The following ZSWIM9 variants were observed in gnomAD, a reference collection of about 807,000 sequenced individuals.
The protein encoded by ZSWIM9 is uncharacterized protein ZSWIM9.
Under a neutral mutation model 25.0 loss-of-function variants are expected in ZSWIM9, and 11 were observed. The ratio of observed to expected loss-of-function variants is 0.44; its 90% confidence interval spans 0.28 to 0.73. The LOEUF (loss-of-function observed/expected upper bound fraction) is 0.73. Among genes scored for constraint, ZSWIM9 ranks in the 30% least tolerant of loss-of-function variants. The probability of loss-of-function intolerance (pLI) is 0.16; values close to 1 mark genes in which losing one functional copy is unlikely to be tolerated. For missense variants in ZSWIM9, 1,070 were observed against 1,296.5 expected, an observed-to-expected ratio of 0.83 and a Z score of 2.68; for synonymous variants, 562 against 582.1, an observed-to-expected ratio of 0.97 and a Z score of 0.50.
chr19:48,194,158 T>C lies in ZSWIM9; in HGVS notation c.589-495T>C, dbSNP rs1330664590. On this transcript the variant is annotated intron_variant, in intron 3 of 3. Transcript: ENST00000614654. This position sits in a 1 kb window ranked among gnomAD's most constrained non-coding sequence, Gnocchi z 6.0. ...CAGACCAGTCATCCTTAAGCATGCATAGGAGTCCCCTGGAGGGCTTGTCAA... is the reference window on the plus strand; with the variant it reads ...CAGACCAGTCATCCTTAAGCATGCACAGGAGTCCCCTGGAGGGCTTGTCAA... 6.6e-6 allele frequency among the ~76,000 whole-genome samples: 1 copy of C among 152,122 alleles called. No homozygotes were observed. The highest frequency in any genetic ancestry group is 1.5e-5 in the Non-Finnish European group (1 of 68,006).
Position 48,194,013 on chromosome 19 carries a change from G to C in ZSWIM9, c.589-640G>C, listed in dbSNP as rs1445434969. 6.6e-6 allele frequency among the ~76,000 whole-genome samples: 1 copy of C among 152,124 alleles called. No homozygotes were observed. Among genetic ancestry groups the C allele is most frequent in the African/African-American group, 2.4e-5 (1 of 41,406 alleles). On this transcript the variant is annotated intron_variant, in intron 3 of 3. Transcript: ENST00000614654. The surrounding 1 kb of genome is among the most constrained non-coding windows in gnomAD (Gnocchi z 6.0). ...TTCAGTGCCTAGAAGGGATAATCAG[G>C]GAATATGGAGGTTAAGGAGGCAACT... is the stretch of plus-strand genomic sequence containing the variant.
intron 3 of ZSWIM9, among the ~76,000 whole-genome samples, chr19:48,189,834 T>G (rs143342711): frequency 2.0e-5 from 3 of 152,164 alleles, no homozygotes; most frequent in African/African-American, 2.4e-5. Flanking sequence ...AGACCTTTTA[T>G]GTATCGCTTT....
intron 2 of ZSWIM9, among the ~76,000 whole-genome samples, chr19:48,180,080 G>C (rs183243546): frequency 1.3e-4 from 19 of 151,852 alleles, no homozygotes; most frequent in African/African-American, 4.6e-4. Flanking sequence ...GCAGTGGTGC[G>C]ATCTCGGCTC....
At chr19:48,187,473 T>TATATTATATTATA (rs1310340123) in intron 3 of ZSWIM9, among the ~76,000 whole-genome samples, 5 of 74,388 alleles carry the variant, frequency 6.7e-5, no homozygotes, top group African/African-American at 3.2e-4. Flanking sequence ...ATATATATTA[T>TATATTATATTATA]ATATATTATA....
chr19:48,195,444 G>A lies in ZSWIM9; in HGVS notation c.1380G>A (p.Arg460=). Reference sequence around the variant, plus strand: ...CTTGGCTGGAGGATGAGCCAGGGAGGGGAGCCCAGGGGGAGAACGAGAGGG... The same window carrying A: ...CTTGGCTGGAGGATGAGCCAGGGAGAGGAGCCCAGGGGGAGAACGAGAGGG... ...GGPWLEDEPG[R]GAQGENERVR... is the part of the protein sequence containing the mutation. The change falls in exon 4 of 4, where the codon AGG becomes AGA. Residue 460 remains arginine, a synonymous_variant. Transcript: ENST00000614654. The surrounding 1 kb of genome is among the most constrained non-coding windows in gnomAD (Gnocchi z 5.8). 4 of 1,437,204 alleles carry A rather than the reference G, an allele frequency of 2.8e-6. No homozygotes were observed. The highest frequency in any genetic ancestry group is 3.6e-6 in the Non-Finnish European group (4 of 1,103,886). 89.0% of individuals were successfully genotyped at this position (1,437,204 alleles called of 1,614,324 possible). A position where few individuals can be genotyped will look rare whatever the true frequency, so the allele number is the denominator to read the frequency against.
chr19:48,177,251 C>T (rs1158210621), intron 2 of ZSWIM9, among the ~76,000 whole-genome samples: 3 of 151,824 alleles, frequency 2.0e-5, no homozygotes, highest in Admixed American at 6.6e-5. Context: ...GAAGAACTTA[C>T]GATAGGTTGT....
intron 2 of ZSWIM9, among the ~76,000 whole-genome samples, chr19:48,176,641 T>C (rs1002485822): frequency 4.6e-5 from 7 of 152,058 alleles, no homozygotes; most frequent in Admixed American, 2.0e-4. Context: ...CCCCTAAAGA[T>C]GTGTTGTTTC....
rs1248532692 is a variant in ZSWIM9 at position 48,195,843 on chromosome 19, T to C, written c.1779T>C (p.Tyr593=). The C allele has an allele frequency of 6.2e-6, 9 of 1,444,540 alleles. No individual in the cohort carries two copies. Among genetic ancestry groups the C allele is most frequent in the Non-Finnish European group, 7.2e-6 (8 of 1,104,670 alleles). 89.5% of individuals were successfully genotyped at this position (1,444,540 alleles called of 1,614,324 possible). A position where few individuals can be genotyped will look rare whatever the true frequency, so the allele number is the denominator to read the frequency against. ...AGGCGCTAAGAGGATTGGAAGGGTA[T>C]ACCTGGAGGGTGGCCCAGCTGGAAG... ...EDQALRGLEG[Y]TWRVAQLEDR... is the part of the protein sequence containing the mutation. Residue 593 remains tyrosine, a synonymous_variant, in exon 4 of 4, where the codon TAT becomes TAC. Transcript: ENST00000614654. This position sits in a 1 kb window ranked among gnomAD's most constrained non-coding sequence, Gnocchi z 5.8.
Position 48,175,672 on chromosome 19 carries a change from T to G in ZSWIM9, c.275+3595T>G, listed in dbSNP as rs539226271. On this transcript the variant is annotated intron_variant, in intron 2 of 3. Transcript: ENST00000614654. ...AGAGAAGGGATATGAAGGAGGAGGC[T>G]GGGGCTGAGGGTGCAAGGAACCAGA... Among the ~76,000 whole-genome samples the G allele has an allele frequency of 1.9e-3, 284 of 152,064 alleles. 1 individual carries two copies. Among genetic ancestry groups the G allele is most frequent in the Non-Finnish European group, 2.7e-3 (181 of 67,974 alleles).
chr19:48,171,115 G>A (rs2123154657), intron 1 of ZSWIM9: 1 of 429,214 alleles, frequency 2.3e-6, no homozygotes, highest in Non-Finnish European at 3.1e-6. Context: ...CATGTGGGGA[G>A]TACATCTGGA....
At position 48,171,958 on chromosome 19, in the gene ZSWIM9, C is replaced by T. The variant is rs2036827259; in HGVS notation, c.156C>T (p.His52=). Residue 52 remains histidine (H), a synonymous_variant, in exon 2 of 4, where the codon CAC becomes CAT. Transcript: ENST00000614654. ...LALFFVKSSM[H]LARCRWASAP... ...TCTTCTTCGTCAAGAGCTCCATGCA[C>T]CTGGCGCGCTGCCGCTGGGCCAGTG... is the stretch of plus-strand genomic sequence containing the variant. 8.5e-6 allele frequency: 13 copies of T among 1,535,824 alleles called. No homozygotes were observed. The highest frequency in any genetic ancestry group is 1.0e-5 in the Non-Finnish European group (12 of 1,146,688).
chr19:48,176,193 G>A (rs567727281), intron 2 of ZSWIM9, among the ~76,000 whole-genome samples: 3 of 152,186 alleles, frequency 2.0e-5, no homozygotes, highest in East Asian at 1.9e-4. Context: ...GCAACAGAGC[G>A]AGACTCTATC....
chr19:48,193,039 G>A (rs1001582415), intron 3 of ZSWIM9: 1 of 155,340 alleles, frequency 6.4e-6, no homozygotes, highest in African/African-American at 2.4e-5. Flanking sequence ...GTCCAGGGTT[G>A]TTATTGGGGT....
At chr19:48,171,150 C>A in intron 1 of ZSWIM9, 1 of 827,056 alleles carries the variant, frequency 1.2e-6, no homozygotes, top group Non-Finnish European at 1.5e-6. Context: ...AGGGAAGCCC[C>A]AGCTACAGCT....
At chr19:48,184,150 G>A (rs903143415) in intron 3 of ZSWIM9, among the ~76,000 whole-genome samples, 1 of 151,996 alleles carries the variant, frequency 6.6e-6, no homozygotes, top group Admixed American at 6.6e-5. Flanking sequence ...GGCCTGGAGC[G>A]GGACAGTTCT....
In ZSWIM9 at chr19:48,187,774, C is replaced by T. The variant is rs543112215; in HGVS notation, c.588+5007C>T. 67 of 143,796 alleles carry T rather than the reference C, an allele frequency of 4.7e-4. 1 individual carries two copies. In the South Asian group the frequency reaches 9.1e-3, roughly 20 times the overall value. The allele number at this position is 143,796 out of a possible 1,614,324, so 8.9% of individuals were successfully genotyped here. A position where few individuals can be genotyped will look rare whatever the true frequency, so the allele number is the denominator to read the frequency against. On this transcript the variant is annotated intron_variant, in intron 3 of 3. Coordinates refer to ENST00000614654, the MANE Select transcript of ZSWIM9 (RefSeq NM_199341.4). ...CCAACATAACGAGCACCTGTCTCTACAAAAAATTAAAAAAAAAAAAATTAG... is the reference window on the plus strand; with the variant it reads ...CCAACATAACGAGCACCTGTCTCTATAAAAAATTAAAAAAAAAAAAATTAG...
In ZSWIM9 at chr19:48,195,298, C is replaced by A; in HGVS notation, c.1234C>A (p.Arg412=). 1 of 1,530,182 alleles carries A rather than the reference C, an allele frequency of 6.5e-7. No homozygotes were observed. The highest frequency in any genetic ancestry group is 8.7e-7 in the Non-Finnish European group (1 of 1,144,394). The allele number at this position is 1,530,182 out of a possible 1,614,324, so 94.8% of individuals were successfully genotyped here. ...TGCCCTGGTGCGAGGCCACCGCCGG[C>A]GACTGCTGCGTCGTCTCAGCCCCTC... is the stretch of plus-strand genomic sequence containing the variant. ...ACALVRGHRR[R]LLRRLSPSRG... Residue 412 remains arginine (R), a synonymous_variant, in exon 4 of 4, where the codon CGA becomes AGA. Coordinates refer to ENST00000614654, the MANE Select transcript of ZSWIM9 (RefSeq NM_199341.4). The surrounding 1 kb of genome is among the most constrained non-coding windows in gnomAD (Gnocchi z 5.8).
intron 2 of ZSWIM9, 64 bp downstream of exon 2, chr19:48,172,141 G>A: frequency 7.6e-7 from 1 of 1,314,952 alleles, no homozygotes; most frequent in Non-Finnish European, 1.0e-6. Context: ...GGTGTGGGTG[G>A]GAGACGGGCA....
At chr19:48,190,402 CACTT>C (rs1232057356) in intron 3 of ZSWIM9, 1 of 154,770 alleles carries the variant, frequency 6.5e-6, no homozygotes, top group Non-Finnish European at 1.5e-5. Flanking sequence ...ATTTCTTGCT[CACTT>C]ACACAGCCAC....
Sources: gnomAD v4.1 joint callset for allele counts (sites outside exome capture counted in the v4.1 genomes callset) on GRCh38, gnomAD v4.1.1 for gene constraint, Gnocchi (gnomAD v3.1) non-coding constraint, MANE v1.5 for transcripts, NCBI Gene and HGNC (gene_info 2026-07-23, HGNC 2026-07-21) for gene names.